The following APBB2 variants were observed in gnomAD, a reference collection of about 807,000 sequenced individuals.
The protein encoded by APBB2 is amyloid beta precursor protein binding family B member 2.
A neutral mutation model predicts 82.5 loss-of-function variants in APBB2; 38 were observed. The ratio of observed to expected loss-of-function variants is 0.46; its 90% CI spans 0.36 to 0.60. The LOEUF is 0.60. Among genes scored for constraint, APBB2 ranks in the 20% least tolerant of loss-of-function variants. APBB2 has a pLI of 0.00. For synonymous variants in APBB2, 341 were observed against 368.2 expected, an observed-to-expected ratio of 0.93 and a Z score of 0.85; for missense variants, 772 against 972.3, an observed-to-expected ratio of 0.79 and a Z score of 2.74.
At chr4:40,998,045 A>G (rs2154417478) in intron 6 of APBB2, among the ~76,000 whole-genome samples, 1 of 152,324 alleles carries the variant, frequency 6.6e-6, no homozygotes, top group South Asian at 2.1e-4. Context: ...TTGGGTAGAC[A>G]TTTTCACAAA....
chr4:40,836,845 G>GA (rs1754130887), intron 12 of APBB2, among the ~76,000 whole-genome samples: 1 of 152,144 alleles, frequency 6.6e-6, no homozygotes, highest in Non-Finnish European at 1.5e-5. Flanking sequence ...TCTCCTTTCT[G>GA]TTTTTTACTC....
At chr4:40,867,805 C>T (rs1177482853) in intron 12 of APBB2, among the ~76,000 whole-genome samples, 1 of 150,324 alleles carries the variant, frequency 6.7e-6, no homozygotes, top group East Asian at 1.9e-4. Flanking sequence ...TTATATTGAT[C>T]AATTATCAGG....
At chr4:41,196,654 A>C in intron 1 of APBB2, among the ~76,000 whole-genome samples, 2 of 134,768 alleles carry the variant, frequency 1.5e-5, no homozygotes, top group East Asian at 2.1e-4. Flanking sequence ...AGGTTTGACC[A>C]CAAGTGTTAA....
chr4:40,829,751 G>A (rs956976553), intron 13 of APBB2, among the ~76,000 whole-genome samples: 2 of 152,138 alleles, frequency 1.3e-5, no homozygotes, highest in African/African-American at 4.8e-5. Context: ...GGCTAGGCTG[G>A]TGACGCCAGA....
intron 12 of APBB2, among the ~76,000 whole-genome samples, chr4:40,853,927 G>A (rs577114054): frequency 7.9e-4 from 120 of 152,220 alleles, no homozygotes; most frequent in African/African-American, 2.3e-3. Context: ...GGCATAACCT[G>A]TATCATCTTG....
At chr4:40,951,665 T>G (rs1790209122) in intron 6 of APBB2, among the ~76,000 whole-genome samples, 1 of 152,226 alleles carries the variant, frequency 6.6e-6, no homozygotes. Flanking sequence ...ATCATAATAG[T>G]ACCTGCCTCA....
At chr4:40,986,638 A>C (rs1800482207) in intron 6 of APBB2, among the ~76,000 whole-genome samples, 1 of 152,240 alleles carries the variant, frequency 6.6e-6, no homozygotes, top group South Asian at 2.1e-4. Flanking sequence ...ACACTGATGC[A>C]GGATCTGACT....
In APBB2 at chr4:41,101,331, G is replaced by A. The variant is rs546108057; in HGVS notation, c.-260-581C>T. 6.0e-5 allele frequency among the ~76,000 whole-genome samples: 9 copies of A among 150,626 alleles called. No homozygotes were observed. In the East Asian group the frequency reaches 1.6e-3, roughly 26 times the overall value. ...TACAAAAAATTAGCCGGGCGCGGTG[G>A]CGGGCGCCTGTAGTCCCAGCTACTT... On this transcript the variant is annotated intron_variant, in intron 2 of 17. Transcript: ENST00000508593.
intron 7 of APBB2, chr4:40,935,669 C>T (rs367834655): frequency 4.6e-5 from 7 of 151,882 alleles, no homozygotes; most frequent in African/African-American, 1.4e-4. Flanking sequence ...GTGAAGAACA[C>T]AGACTGACAT....
chr4:40,896,517 A>G (rs1236307316), intron 10 of APBB2, among the ~76,000 whole-genome samples: 1 of 152,258 alleles, frequency 6.6e-6, no homozygotes, highest in Admixed American at 6.5e-5. Flanking sequence ...TAATTACTTC[A>G]GAGGGTTTTC....
chr4:40,816,023 C>T lies in APBB2; in HGVS notation c.*69G>A, dbSNP rs1745504102. ...AGCAACTGGATGGAAGGTCGGATGG[C>T]GGAGTTCATTTTCTTTAGTGTAGCT... On this transcript the variant is annotated 3_prime_UTR_variant, in exon 18 of 18. Transcript: ENST00000508593. 2.6e-6 allele frequency: 4 copies of T among 1,548,050 alleles called. No homozygotes were observed. The highest frequency in any genetic ancestry group is 1.8e-5 in the Admixed American group (1 of 55,766).
At chr4:40,860,881 G>C (rs10028616) in intron 12 of APBB2, among the ~76,000 whole-genome samples, 7,248 of 151,890 alleles carry the variant, frequency 0.048, 272 homozygotes, top group African/African-American at 0.099. Flanking sequence ...ATGAGTTAAG[G>C]TCCAGATCAA....
chr4:40,825,792 A>C lies in APBB2; in HGVS notation c.1816+95T>G, dbSNP rs1026699040. 128 of 883,768 alleles carry C rather than the reference A, an allele frequency of 1.4e-4. No homozygotes were observed. The African/African-American group carries it at 1.8e-3, about 12-fold the overall frequency. The allele number at this position is 883,768 out of a possible 1,614,324, so 54.7% of individuals were successfully genotyped here. On this transcript the variant is annotated intron_variant, in intron 15 of 17. Transcript: ENST00000508593. ...AGTTTGATTCAAGACAAGGCGTGAGAGTAAACAGCAGACCTCACCCTCCTC... is the reference window on the plus strand; with the variant it reads ...AGTTTGATTCAAGACAAGGCGTGAGCGTAAACAGCAGACCTCACCCTCCTC...
intron 2 of APBB2, 127 bp from the exon 3 acceptor site, chr4:41,100,877 A>G (rs2153968361): frequency 6.6e-6 from 1 of 152,356 alleles, no homozygotes; most frequent in Middle Eastern, 3.4e-3. Flanking sequence ...GGATCCTTAA[A>G]TGATGAGAAA....
intron 4 of APBB2, among the ~76,000 whole-genome samples, chr4:41,055,688 G>T (rs952468138): frequency 6.6e-6 from 1 of 152,200 alleles, no homozygotes; most frequent in African/African-American, 2.4e-5. Context: ...CACAGACTCT[G>T]GAGCTGAAAG....
chr4:41,009,942 A>G (rs1807855132), intron 6 of APBB2, among the ~76,000 whole-genome samples: 1 of 152,220 alleles, frequency 6.6e-6, no homozygotes, highest in Non-Finnish European at 1.5e-5. Context: ...TTTAAACACT[A>G]ACAGTATGTT....
intron 2 of APBB2, among the ~76,000 whole-genome samples, chr4:41,116,440 G>A (rs1404563533): frequency 6.6e-6 from 1 of 152,136 alleles, no homozygotes; most frequent in African/African-American, 2.4e-5. Context: ...TTCTGCACAT[G>A]TACCCCAGAA....
intron 5 of APBB2, among the ~76,000 whole-genome samples, chr4:41,021,473 TCTAG>T (rs1246929095): frequency 6.6e-6 from 1 of 152,134 alleles, no homozygotes; most frequent in Non-Finnish European, 1.5e-5. Flanking sequence ...GCACTCTGTG[TCTAG>T]CTAAAGGATT....
chr4:41,048,725 G>A (rs896673198), intron 4 of APBB2, among the ~76,000 whole-genome samples: 11 of 145,480 alleles, frequency 7.6e-5, no homozygotes, highest in South Asian at 2.4e-4. Flanking sequence ...GATGCCGAGC[G>A]GAAGCTGGAC....
Sources: allele counts gnomAD v4.1 joint callset (sites outside exome capture counted in the v4.1 genomes callset), GRCh38; gene constraint gnomAD v4.1.1; transcripts MANE v1.5; gene names NCBI Gene and HGNC (gene_info 2026-07-23, HGNC 2026-07-21).